NPIPB8: variants seen among roughly 807,000 people sequenced by gnomAD.
NPIPB8 encodes nuclear pore complex-interacting protein family member B8.
Under a neutral mutation model 5.3 loss-of-function variants are expected in NPIPB8, and 3 were observed. The observed-to-expected ratio is 0.57, with a 90% CI of 0.26 to 1.47. The LOEUF is 1.47. NPIPB8 is among the 40% of genes most tolerant of loss of function. The pLI is 0.13. For synonymous variants in NPIPB8, 18 were observed against 23.0 expected, an observed-to-expected ratio of 0.78 and a Z score of 0.62; for missense variants, 50 against 50.2, an observed-to-expected ratio of 1.00 and a Z score of 0.01.
chr16:28,638,293 A>C (rs2047826933), intron 1 of NPIPB8, 30 bp from the exon 2 acceptor site: 15 of 1,542,326 alleles, frequency 9.7e-6, no homozygotes, highest in Non-Finnish European at 1.3e-5. Flanking sequence ...CCACTCATTC[A>C]ACAAACTTTT....
chr16:28,642,297 G>A (rs1330230941), intron 2 of NPIPB8, among the ~76,000 whole-genome samples: 1 of 151,736 alleles, frequency 6.6e-6, no homozygotes, highest in Non-Finnish European at 1.5e-5. Flanking sequence ...GTAGAGACAG[G>A]GTTTCACCAT....
chr16:28,640,538 A>G (rs945875678), intron 2 of NPIPB8, among the ~76,000 whole-genome samples: 4 of 152,102 alleles, frequency 2.6e-5, no homozygotes, highest in African/African-American at 7.2e-5. Flanking sequence ...TCCACTTTCA[A>G]GTGGCCCAGG....
In NPIPB8 at chr16:28,638,336, A is replaced by G. The variant is rs1215922916; in HGVS notation, c.-25A>G. On this transcript the variant is annotated 5_prime_UTR_variant, in exon 2 of 8. It removes an upstream start codon present in the reference 5' UTR. Coordinates refer to ENST00000683297, the MANE Select transcript of NPIPB8 (RefSeq NM_001310136.2). Reference sequence around the variant, plus strand: ...ATTGTCTAATAGGTTGGCACTCATCATGAGCCCCTGTTCTCATTCTGCAAA... The same window carrying G: ...ATTGTCTAATAGGTTGGCACTCATCGTGAGCCCCTGTTCTCATTCTGCAAA... 1.3e-6 allele frequency: 2 copies of G among 1,562,770 alleles called. No homozygotes were observed. Among genetic ancestry groups the G allele is most frequent in the Admixed American group, 1.9e-5 (1 of 53,912 alleles).
Position 28,653,150 on chromosome 16 carries a change from G to A in NPIPB8, c.599+786G>A, listed in dbSNP as rs1177566455. On this transcript the variant is annotated intron_variant, in intron 5 of 7. Coordinates refer to ENST00000683297, the MANE Select transcript of NPIPB8 (RefSeq NM_001310136.2). ...TGCAGTGGCATGATCTTGGCTCACTGCAACCTCCGCCTCCCAGGTTCAAGT... is the reference window on the plus strand; with the variant it reads ...TGCAGTGGCATGATCTTGGCTCACTACAACCTCCGCCTCCCAGGTTCAAGT... Among the ~76,000 whole-genome samples, 3 of 111,922 alleles carry A rather than the reference G, an allele frequency of 2.7e-5. No homozygotes were observed. The Admixed American group carries it at 2.8e-4, about 10-fold the overall frequency. 73.4% of individuals were successfully genotyped at this position (111,922 alleles called of 152,430 possible). A position where few individuals can be genotyped will look rare whatever the true frequency, so the allele number is the denominator to read the frequency against.
chr16:28,639,901 T>C (rs2047863683), intron 2 of NPIPB8, among the ~76,000 whole-genome samples: 1 of 150,418 alleles, frequency 6.6e-6, no homozygotes, highest in South Asian at 2.1e-4. Flanking sequence ...CTTTACTGCA[T>C]TGTCTGAATA....
chr16:28,644,590 A>T (rs776698778), intron 2 of NPIPB8: 5 of 1,507,832 alleles, frequency 3.3e-6, no homozygotes, highest in Non-Finnish European at 4.4e-6. Context: ...GGACCAGGAC[A>T]TGCGGCTGCG....
Position 28,652,748 on chromosome 16 carries a change from C to A in NPIPB8, c.599+384C>A, listed in dbSNP as rs1321089309. Among the ~76,000 whole-genome samples the A allele has an allele frequency of 3.0e-5, 4 of 134,582 alleles. 1 individual carries two copies. The highest frequency in any genetic ancestry group is 5.9e-5 in the African/African-American group (2 of 33,692). 88.3% of individuals were successfully genotyped at this position (134,582 alleles called of 152,430 possible). A position where few individuals can be genotyped will look rare whatever the true frequency, so the allele number is the denominator to read the frequency against. On this transcript the variant is annotated intron_variant, in intron 5 of 7. Coordinates refer to ENST00000683297, the MANE Select transcript of NPIPB8 (RefSeq NM_001310136.2). ...TCCCAAGTAGCTGGGATTACAGGTG[C>A]CCACCACCATGCCCAGCTAATTTTT...
In NPIPB8 at chr16:28,639,428, G is replaced by GAC. The variant is rs1040391463; in HGVS notation, c.120+964_120+965dup. Among the ~76,000 whole-genome samples, 111 of 135,446 alleles carry GAC rather than the reference G, an allele frequency of 8.2e-4. 1 individual carries two copies. Among genetic ancestry groups the GAC allele is most frequent in the African/African-American group, 2.7e-3 (90 of 33,824 alleles). The allele number at this position is 135,446 out of a possible 152,430, so 88.9% of individuals were successfully genotyped here. A position where few individuals can be genotyped will look rare whatever the true frequency, so the allele number is the denominator to read the frequency against. On this transcript the variant is annotated intron_variant, in intron 2 of 7. Transcript: ENST00000683297. Reference sequence around the variant, plus strand: ...ACACACACACACAGACACACACACAGACACACACACACACACATATATATA... The same window carrying GAC: ...ACACACACACACAGACACACACACAGACACACACACACACACACATATATATA...
intron 2 of NPIPB8, chr16:28,644,697 G>A (rs2047968478): frequency 8.3e-7 from 1 of 1,199,832 alleles, no homozygotes; most frequent in African/African-American, 2.5e-5. Flanking sequence ...CCTTTTTACT[G>A]GGCTGTGTCA....
At chr16:28,645,238 C>T (rs1292770738) in intron 2 of NPIPB8, among the ~76,000 whole-genome samples, 1 of 115,006 alleles carries the variant, frequency 8.7e-6, no homozygotes. Flanking sequence ...ACCATGTTCG[C>T]CAGGATAGTC....
At chr16:28,640,500 C>T (rs3959261) in intron 2 of NPIPB8, among the ~76,000 whole-genome samples, 18 of 152,234 alleles carry the variant, frequency 1.2e-4, no homozygotes, top group East Asian at 7.7e-4. Context: ...CTCACATCTC[C>T]TGGGTCAAAG....
intron 2 of NPIPB8, among the ~76,000 whole-genome samples, chr16:28,640,033 A>C (rs1021382310): frequency 4.6e-5 from 7 of 151,408 alleles, no homozygotes; most frequent in Non-Finnish European, 1.0e-4. Context: ...CTGCAACCTG[A>C]GATGGTATAG....
In NPIPB8 at chr16:28,638,408, C is replaced by T; in HGVS notation, c.48C>T (p.Asp16=). The T allele has an allele frequency of 6.4e-7, 1 of 1,572,526 alleles. No homozygotes were observed. Among genetic ancestry groups the T allele is most frequent in the Non-Finnish European group, 8.6e-7 (1 of 1,166,808 alleles). ...TGACCCCACAGTTCCTGTCCCATGACCAGGGCCAGCTCACCAAGGAGCTGC... is the reference window on the plus strand; with the variant it reads ...TGACCCCACAGTTCCTGTCCCATGATCAGGGCCAGCTCACCAAGGAGCTGC... ...IVLTPQFLSH[D]QGQLTKELQQ... is the part of the protein sequence containing the mutation. The change falls in exon 2 of 8, where the codon GAC becomes GAT. Residue 16 remains aspartate, a synonymous_variant. Coordinates refer to ENST00000683297, the MANE Select transcript of NPIPB8 (RefSeq NM_001310136.2).
At chr16:28,639,456 T>TATA (rs773775499) in intron 2 of NPIPB8, among the ~76,000 whole-genome samples, 3,074 of 89,170 alleles carry the variant, frequency 0.034, 27 homozygotes, top group Non-Finnish European at 0.042. Context: ...TATATATATA[T>TATA]TTTTTTTTTT....
intron 5 of NPIPB8, among the ~76,000 whole-genome samples, chr16:28,652,688 G>A (rs1222458419): frequency 1.6e-5 from 2 of 122,420 alleles, no homozygotes; most frequent in Non-Finnish European, 3.5e-5. Flanking sequence ...TCAGCTCACT[G>A]CCTTTTGGCT....
chr16:28,640,524 T>C (rs2047877581), intron 2 of NPIPB8, among the ~76,000 whole-genome samples: 1 of 152,070 alleles, frequency 6.6e-6, no homozygotes, highest in African/African-American at 2.4e-5. Context: ...ATCCCATGGG[T>C]ACATCCACTT....
chr16:28,642,457 T>C (rs1405292331), intron 2 of NPIPB8, among the ~76,000 whole-genome samples: 1 of 151,120 alleles, frequency 6.6e-6, no homozygotes, highest in African/African-American at 2.4e-5. Flanking sequence ...AATTCCATAG[T>C]TTTGTAAACC....
In NPIPB8 at chr16:28,638,324, T is replaced by C. The variant is rs1027185061; in HGVS notation, c.-37T>C. On this transcript the variant is annotated splice_region_variant and 5_prime_UTR_variant, in exon 2 of 8. Coordinates refer to ENST00000683297, the MANE Select transcript of NPIPB8 (RefSeq NM_001310136.2). Reference sequence around the variant, plus strand: ...CTTTTTTTCTTAATTGTCTAATAGGTTGGCACTCATCATGAGCCCCTGTTC... The same window carrying C: ...CTTTTTTTCTTAATTGTCTAATAGGCTGGCACTCATCATGAGCCCCTGTTC... 14 of 1,560,380 alleles carry C rather than the reference T, an allele frequency of 9.0e-6. 1 individual carries two copies. In the African/African-American group the frequency reaches 1.1e-4, roughly 12 times the overall value.
At chr16:28,645,051 T>C (rs2047976112) in intron 2 of NPIPB8, among the ~76,000 whole-genome samples, 1 of 120,596 alleles carries the variant, frequency 8.3e-6, no homozygotes, top group Admixed American at 8.2e-5. Context: ...TTTTTTTTTT[T>C]TTTTTTTTTT....
Sources: allele counts gnomAD v4.1 joint callset (sites outside exome capture counted in the v4.1 genomes callset), GRCh38; gene constraint gnomAD v4.1.1; transcripts MANE v1.5; gene names NCBI Gene and HGNC (gene_info 2026-07-23, HGNC 2026-07-21).